CDK6: variants seen among roughly 807,000 people sequenced by gnomAD.
CDK6 encodes cyclin-dependent kinase 6.
Under a neutral mutation model 37.1 loss-of-function variants are expected in CDK6, and 6 were observed. The ratio of observed to expected loss-of-function variants is 0.16; its 90% CI spans 0.09 to 0.32. CDK6 has a LOEUF of 0.32. CDK6 is among the 10% of genes least tolerant of loss of function. The pLI is 1.00. For synonymous variants in CDK6, 160 were observed against 161.3 expected (o/e 0.99, Z 0.06); for missense variants, 224 against 418.9 (o/e 0.53, Z 4.06).
chr7:92,686,114 T>G (rs1357842180), intron 4 of CDK6, among the ~76,000 whole-genome samples: 1 of 152,236 alleles, frequency 6.6e-6, no homozygotes, highest in African/African-American at 2.4e-5. Context: ...AAACATGTAT[T>G]ACATATTTTA....
intron 3 of CDK6, among the ~76,000 whole-genome samples, chr7:92,769,720 T>A (rs891381621): frequency 1.3e-5 from 2 of 152,242 alleles, no homozygotes; most frequent in African/African-American, 4.8e-5. Context: ...TCTCTCCATC[T>A]GTATCTTGCA....
intron 5 of CDK6, among the ~76,000 whole-genome samples, chr7:92,666,225 C>T (rs1006648806): frequency 2.0e-5 from 3 of 152,168 alleles, no homozygotes; most frequent in Non-Finnish European, 4.4e-5. Context: ...CAAAAACAGA[C>T]TTGTCATTAT....
intron 5 of CDK6, among the ~76,000 whole-genome samples, chr7:92,630,725 C>T (rs1397284703): frequency 6.6e-6 from 1 of 152,102 alleles, no homozygotes; most frequent in Non-Finnish European, 1.5e-5. Context: ...AACCACAGAG[C>T]TTGGATAACC....
At chr7:92,828,376 G>C (rs923502704) in intron 2 of CDK6, among the ~76,000 whole-genome samples, 4 of 151,884 alleles carry the variant, frequency 2.6e-5, no homozygotes, top group Non-Finnish European at 2.9e-5. Context: ...CGATTTAACT[G>C]CTTCCATCAA....
chr7:92,784,178 C>T (rs1800066370), intron 2 of CDK6, among the ~76,000 whole-genome samples: 2 of 152,146 alleles, frequency 1.3e-5, no homozygotes. Flanking sequence ...CAAAATCCTA[C>T]TTGGAATTAA....
chr7:92,752,596 C>T (rs971838512), intron 3 of CDK6, among the ~76,000 whole-genome samples: 2 of 152,132 alleles, frequency 1.3e-5, no homozygotes, highest in Non-Finnish European at 2.9e-5. Flanking sequence ...CATGTTTAAA[C>T]GTAAGTGTTT....
chr7:92,676,106 A>T (rs1371672579), intron 4 of CDK6, among the ~76,000 whole-genome samples: 2 of 151,362 alleles, frequency 1.3e-5, no homozygotes, highest in African/African-American at 2.4e-5. Flanking sequence ...ATTTTCTCCT[A>T]ATTTCTTTGT....
Position 92,615,128 on chromosome 7 carries a change from G to T in CDK6, c.*12C>A, listed in dbSNP as rs1403539225. ...TTCTCCGCAGGATCAGCTTAAGGCG[G>T]CTGCTGAGGCCTCAGGCTGTATTCA... On this transcript the variant is annotated 3_prime_UTR_variant, in exon 8 of 8. Transcript: ENST00000424848. 6.2e-7 allele frequency: 1 copy of T among 1,613,052 alleles called. No individual in the cohort carries two copies. The highest frequency in any genetic ancestry group is 8.5e-7 in the Non-Finnish European group (1 of 1,179,910).
At chr7:92,691,343 T>A (rs890578304) in intron 4 of CDK6, among the ~76,000 whole-genome samples, 3 of 152,200 alleles carry the variant, frequency 2.0e-5, no homozygotes, top group Non-Finnish European at 4.4e-5. Context: ...TTAAACAGAA[T>A]GGGTGATTTA....
chr7:92,833,536 C>A lies in CDK6; in HGVS notation c.-213G>T. 1 of 544,912 alleles carries A rather than the reference C, an allele frequency of 1.8e-6. No individual in the cohort carries two copies. 33.8% of individuals were successfully genotyped at this position (544,912 alleles called of 1,614,324 possible). A position where few individuals can be genotyped will look rare whatever the true frequency, so the allele number is the denominator to read the frequency against. The stretch of plus-strand genomic sequence containing the variant: ...CCGCGGGGCTGGCGTAACCCTGGTG[C>A]CGCCGCCGCGAAACTCCGCCTGCAG... On this transcript the variant is annotated 5_prime_UTR_variant, in exon 2 of 8. Coordinates refer to ENST00000424848, the MANE Select transcript of CDK6 (RefSeq NM_001145306.2). This position sits in a 1 kb window ranked among gnomAD's most constrained non-coding sequence, Gnocchi z 6.1.
intron 5 of CDK6, among the ~76,000 whole-genome samples, chr7:92,639,512 C>G (rs1160763168): frequency 6.6e-6 from 1 of 152,240 alleles, no homozygotes. Context: ...TAAAGCCTTC[C>G]TGTTCTCACT....
rs1795528881 is a variant in CDK6 at position 92,610,047 on chromosome 7, T to A, written c.*5093A>T. ...GTTAGAATGAAATCTCTTTTAGAAG[T>A]ACCTCTTTAGTCTTCATCAGATTTG... is the stretch of plus-strand genomic sequence containing the variant. On this transcript the variant is annotated 3_prime_UTR_variant, in exon 8 of 8. Coordinates refer to ENST00000424848, the MANE Select transcript of CDK6 (RefSeq NM_001145306.2). The A allele has an allele frequency of 4.4e-6, 1 of 229,710 alleles. No individual in the cohort carries two copies. The highest frequency in any genetic ancestry group is 8.6e-6 in the Non-Finnish European group (1 of 115,932). 14.2% of individuals were successfully genotyped at this position (229,710 alleles called of 1,614,324 possible).
At chr7:92,681,738 C>G (rs1453729109) in intron 4 of CDK6, among the ~76,000 whole-genome samples, 1 of 152,154 alleles carries the variant, frequency 6.6e-6, no homozygotes, top group Non-Finnish European at 1.5e-5. Context: ...GCCTTTGTCT[C>G]TTTTAAATTA....
intron 4 of CDK6, among the ~76,000 whole-genome samples, chr7:92,680,892 T>C (rs1416666915): frequency 6.6e-6 from 1 of 152,226 alleles, no homozygotes; most frequent in African/African-American, 2.4e-5. Context: ...AAGTAATGGC[T>C]CTTCTCTGAG....
At chr7:92,689,325 C>T (rs1219150645) in intron 4 of CDK6, among the ~76,000 whole-genome samples, 1 of 152,154 alleles carries the variant, frequency 6.6e-6, no homozygotes, top group East Asian at 1.9e-4. Context: ...TTAGCTACTA[C>T]TTGTAAGTGA....
intron 4 of CDK6, among the ~76,000 whole-genome samples, chr7:92,677,164 T>C (rs1797224191): frequency 6.6e-6 from 1 of 152,254 alleles, no homozygotes; most frequent in Non-Finnish European, 1.5e-5. Context: ...GCTTACACTC[T>C]ATTTTAAACT....
chr7:92,628,185 A>G (rs916156208), intron 5 of CDK6, among the ~76,000 whole-genome samples: 11 of 152,088 alleles, frequency 7.2e-5, no homozygotes, highest in African/African-American at 2.7e-4. Context: ...TGAAACTATT[A>G]TCTTATACTT....
intron 4 of CDK6, among the ~76,000 whole-genome samples, chr7:92,690,576 A>T (rs1310539300): frequency 1.3e-5 from 2 of 152,046 alleles, no homozygotes; most frequent in African/African-American, 4.8e-5. Context: ...TTGTTCAAAA[A>T]GAAATATTTA....
At chr7:92,797,040 C>G (rs1265756688) in intron 2 of CDK6, among the ~76,000 whole-genome samples, 1 of 152,128 alleles carries the variant, frequency 6.6e-6, no homozygotes. Flanking sequence ...ACAGACTAGG[C>G]TGTGATGACA....
Sources: gnomAD v4.1 joint callset for allele counts (sites outside exome capture counted in the v4.1 genomes callset) on GRCh38, gnomAD v4.1.1 for gene constraint, Gnocchi (gnomAD v3.1) non-coding constraint, MANE v1.5 for transcripts, NCBI Gene and HGNC (gene_info 2026-07-23, HGNC 2026-07-21) for gene names.